The following CYTH3 variants were observed in gnomAD, a reference collection of about 807,000 sequenced individuals.
CYTH3 encodes cytohesin-3.
Under a neutral mutation model 55.1 loss-of-function variants are expected in CYTH3, and 23 were observed. That is an observed-to-expected ratio of 0.42 (90% CI 0.30 to 0.59). The LOEUF is 0.59. CYTH3 is among the 20% of genes least tolerant of loss of function. The pLI, the probability that CYTH3 is intolerant of heterozygous loss-of-function variation, is 0.20. For synonymous variants in CYTH3, 249 were observed against 194.9 expected (o/e 1.28, Z -2.31); for missense variants, 413 against 524.8 (o/e 0.79, Z 2.08).
chr7:6,209,299 T>G (rs9655495), intron 1 of CYTH3, among the ~76,000 whole-genome samples: 5,955 of 152,232 alleles, frequency 0.039, 407 homozygotes, highest in African/African-American at 0.14. Flanking sequence ...ATACTGCATC[T>G]CAAAACAAAT....
Position 6,232,804 on chromosome 7 carries a change from C to T in CYTH3, c.34+39670G>A, listed in dbSNP as rs1779419399. Among the ~76,000 whole-genome samples the T allele has an allele frequency of 3.9e-5, 6 of 152,300 alleles. No homozygotes were observed. In the South Asian group the frequency reaches 1.2e-3, roughly 32 times the overall value. On this transcript the variant is annotated intron_variant, in intron 1 of 12. Transcript: ENST00000350796. The stretch of plus-strand genomic sequence containing the variant: ...TGTAGGTTCTGTAACTTCCCCCACA[C>T]CCTTCCAATGATTTCCTTATACACT...
chr7:6,176,978 G>C (rs1270641966), intron 5 of CYTH3, among the ~76,000 whole-genome samples: 2 of 152,224 alleles, frequency 1.3e-5, no homozygotes, highest in Non-Finnish European at 2.9e-5. Context: ...AAGATCATGT[G>C]GGTTTTGTCC....
intron 1 of CYTH3, among the ~76,000 whole-genome samples, chr7:6,245,868 C>A (rs572099347): frequency 3.3e-5 from 5 of 152,310 alleles, no homozygotes; most frequent in African/African-American, 7.2e-5. Flanking sequence ...CGTGCCACTG[C>A]GCTACAGCCT....
At chr7:6,220,574 CAAA>C (rs1191450197) in intron 1 of CYTH3, among the ~76,000 whole-genome samples, 4 of 62,050 alleles carry the variant, frequency 6.4e-5, no homozygotes, top group Non-Finnish European at 6.7e-5. Context: ...CATCCTGTCT[CAAA>C]AAAAAAAAAA....
At chr7:6,179,727 A>ACACCCCACACAC (rs1783438378) in intron 4 of CYTH3, among the ~76,000 whole-genome samples, 3 of 75,434 alleles carry the variant, frequency 4.0e-5, no homozygotes, top group African/African-American at 2.2e-4. Context: ...CACACCACAC[A>ACACCCCACACAC]CACACACCCA....
chr7:6,256,771 C>G (rs7806404), intron 1 of CYTH3, among the ~76,000 whole-genome samples: 11,200 of 152,268 alleles, frequency 0.074, 1,003 homozygotes, highest in African/African-American at 0.21. Context: ...GGGCACTTGT[C>G]AGGCAGAGCA....
intron 4 of CYTH3, among the ~76,000 whole-genome samples, chr7:6,185,958 G>T (rs928019131): frequency 3.0e-4 from 46 of 151,924 alleles, no homozygotes; most frequent in African/African-American, 1.1e-3. Flanking sequence ...AGTACAGACC[G>T]ACTGGGCCAG....
Position 6,190,362 on chromosome 7 carries a change from AC to A in CYTH3, c.117+86del. On this transcript the variant is annotated intron_variant, in intron 2 of 12. Coordinates refer to ENST00000350796, the MANE Select transcript of CYTH3 (RefSeq NM_004227.4). ...TGTTTTTGGGTTTTTTTTTTTTTTT[AC>A]ATTTTTGTGAGGCTACTCTTTTACT... 1.3e-5 allele frequency: 10 copies of A among 753,080 alleles called. No individual in the cohort carries two copies. In the Admixed American group the frequency reaches 1.8e-4, roughly 14 times the overall value. The allele number at this position is 753,080 out of a possible 1,614,324, so 46.6% of individuals were successfully genotyped here.
At chr7:6,191,939 C>A (rs1436726912) in intron 1 of CYTH3, among the ~76,000 whole-genome samples, 1 of 151,584 alleles carries the variant, frequency 6.6e-6, no homozygotes, top group Non-Finnish European at 1.5e-5. Context: ...AATAGCCAGG[C>A]ATGGTGGTGC....
intron 1 of CYTH3, among the ~76,000 whole-genome samples, chr7:6,245,853 G>T (rs1055980231): frequency 6.6e-6 from 1 of 152,198 alleles, no homozygotes; most frequent in Non-Finnish European, 1.5e-5. Context: ...GCAATGAGCC[G>T]AGATCGTGCC....
intron 1 of CYTH3, among the ~76,000 whole-genome samples, chr7:6,191,544 A>G (rs535773072): frequency 6.6e-6 from 1 of 152,108 alleles, no homozygotes; most frequent in East Asian, 1.9e-4. Context: ...CAATTTTTAG[A>G]AGTAAATACA....
intron 1 of CYTH3, among the ~76,000 whole-genome samples, chr7:6,216,637 AG>A (rs1784433341): frequency 6.6e-6 from 1 of 151,982 alleles, no homozygotes; most frequent in South Asian, 2.1e-4. Flanking sequence ...GCTACACAGG[AG>A]GCTGAGGTGG....
At chr7:6,259,779 TATATA>T (rs1241086014) in intron 1 of CYTH3, among the ~76,000 whole-genome samples, 2 of 20,152 alleles carry the variant, frequency 9.9e-5, no homozygotes, top group African/African-American at 8.8e-4. Context: ...ATATTATATA[TATATA>T]ATATATATAT....
At chr7:6,183,217 G>T (rs1783551979) in intron 4 of CYTH3, among the ~76,000 whole-genome samples, 1 of 152,232 alleles carries the variant, frequency 6.6e-6, no homozygotes, top group Non-Finnish European at 1.5e-5. Flanking sequence ...TTCCCTGAAT[G>T]TACCTCCTCT....
chr7:6,208,369 C>T (rs1266444625), intron 1 of CYTH3, among the ~76,000 whole-genome samples: 2 of 152,174 alleles, frequency 1.3e-5, no homozygotes, highest in African/African-American at 4.8e-5. Context: ...TGCTGCTCTA[C>T]AAGCAATGGA....
intron 1 of CYTH3, among the ~76,000 whole-genome samples, chr7:6,215,863 C>G (rs1029481170): frequency 6.6e-6 from 1 of 152,166 alleles, no homozygotes; most frequent in Non-Finnish European, 1.5e-5. Flanking sequence ...GGCTTCTCAT[C>G]AAAACCACAA....
chr7:6,192,529 A>ATT (rs36036670), intron 1 of CYTH3, among the ~76,000 whole-genome samples: 9,872 of 111,254 alleles, frequency 0.089, 1,325 homozygotes, highest in African/African-American at 0.24. Context: ...CCACAAGTCA[A>ATT]TTTTTTTTTT....
At chr7:6,204,034 T>C (rs1477057688) in intron 1 of CYTH3, among the ~76,000 whole-genome samples, 7 of 151,204 alleles carry the variant, frequency 4.6e-5, no homozygotes, top group South Asian at 2.1e-4. Flanking sequence ...TCACTTTTTA[T>C]ATATGTTCAC....
chr7:6,162,656 G>T lies in CYTH3; in HGVS notation c.*2288C>A, dbSNP rs892206333. The T allele has an allele frequency of 6.6e-6, 1 of 152,246 alleles. No homozygotes were observed. Among genetic ancestry groups the T allele is most frequent in the East Asian group, 1.9e-4 (1 of 5,192 alleles). The allele number at this position is 152,246 out of a possible 1,614,324, so 9.4% of individuals were successfully genotyped here. ...CTAGGCGATTTCCTTTGACCACAAA[G>T]TACCTGGAGTCTAACTCAGCACCAC... is the stretch of plus-strand genomic sequence containing the variant. On this transcript the variant is annotated 3_prime_UTR_variant, in exon 13 of 13. Transcript: ENST00000350796.
Sources: gnomAD v4.1 joint callset for allele counts (sites outside exome capture counted in the v4.1 genomes callset) on GRCh38, gnomAD v4.1.1 for gene constraint, MANE v1.5 for transcripts, NCBI Gene and HGNC (gene_info 2026-07-23, HGNC 2026-07-21) for gene names.